Variants in EFHC2 observed in about 807,000 individuals in gnomAD.
The protein encoded by EFHC2 is EF-hand domain-containing family member C2.
EFHC2 carries 18 observed loss-of-function variants against 52.7 expected under a neutral mutation model. That is an observed-to-expected ratio of 0.34 (90% confidence interval 0.24 to 0.51). The LOEUF (loss-of-function observed/expected upper bound fraction) is 0.51, where lower values mean the gene tolerates loss of function less well. EFHC2 is among the 20% of genes least tolerant of loss of function. The probability of loss-of-function intolerance (pLI) is 0.97; values close to 1 mark genes in which losing one functional copy is unlikely to be tolerated. For missense variants in EFHC2, 513 were observed against 562.5 expected, an observed-to-expected ratio of 0.91 and a Z score of 0.89; for synonymous variants, 203 against 204.1, an observed-to-expected ratio of 0.99 and a Z score of 0.04.
chrX:44,340,422 C>T (rs1460108283), intron 1 of EFHC2, among the ~76,000 whole-genome samples: 6 of 110,674 alleles, frequency 5.4e-5, no homozygotes, highest in Non-Finnish European at 9.5e-5. Flanking sequence ...GAGGCTGAGG[C>T]GGGCGGATCG....
chrX:44,211,445 T>G (rs922292878), intron 11 of EFHC2, among the ~76,000 whole-genome samples: 2 of 111,386 alleles, frequency 1.8e-5, no homozygotes, highest in Non-Finnish European at 3.8e-5. Context: ...GGAGAATCAC[T>G]TGAACCCAGG....
intron 1 of EFHC2, among the ~76,000 whole-genome samples, chrX:44,342,068 G>A (rs934301360): frequency 3.6e-5 from 4 of 111,985 alleles, no homozygotes; most frequent in Non-Finnish European, 5.6e-5. Flanking sequence ...CTGTTTTCAT[G>A]TCCCGTCTCT....
intron 1 of EFHC2, among the ~76,000 whole-genome samples, chrX:44,340,196 C>T (rs952220710): frequency 4.5e-5 from 5 of 111,226 alleles, no homozygotes; most frequent in African/African-American, 9.8e-5. Context: ...AATTATTCAT[C>T]AAAAACATCA....
chrX:44,174,138 C>T (rs1043261810), intron 13 of EFHC2, among the ~76,000 whole-genome samples: 2 of 112,134 alleles, frequency 1.8e-5, no homozygotes, highest in Non-Finnish European at 3.8e-5. Flanking sequence ...CAATTCTTTG[C>T]ACCAGGTACT....
chrX:44,200,103 C>T (rs972684097), intron 11 of EFHC2, among the ~76,000 whole-genome samples: 5 of 111,725 alleles, frequency 4.5e-5, no homozygotes, highest in African/African-American at 1.6e-4. Context: ...TTAATAATTA[C>T]ACTGTGGTAA....
chrX:44,178,600 A>AT, intron 11 of EFHC2, 36 bp from the exon 12 acceptor site: 1 of 1,039,481 alleles, frequency 9.6e-7, no homozygotes, highest in Non-Finnish European at 1.3e-6. Flanking sequence ...ATAAACTGAT[A>AT]TCTAAGAATA....
intron 8 of EFHC2, among the ~76,000 whole-genome samples, chrX:44,240,371 C>A (rs1438409288): frequency 2.7e-5 from 3 of 111,865 alleles, no homozygotes; most frequent in Non-Finnish European, 5.6e-5. Flanking sequence ...ACATGGAATA[C>A]CATCTACAGT....
At chrX:44,165,546 A>T (rs1182615025) in intron 13 of EFHC2, among the ~76,000 whole-genome samples, 1 of 112,042 alleles carries the variant, frequency 8.9e-6, no homozygotes, top group Non-Finnish European at 1.9e-5. Flanking sequence ...GAAGAATGAA[A>T]ACTCAATTAA....
intron 1 of EFHC2, among the ~76,000 whole-genome samples, chrX:44,315,817 G>A (rs1472422576): frequency 9.0e-6 from 1 of 110,850 alleles, no homozygotes; most frequent in Non-Finnish European, 1.9e-5. Flanking sequence ...CTAGGAGAGG[G>A]GCGAATCTGG....
At chrX:44,257,422 T>C (rs1226143012) in intron 4 of EFHC2, among the ~76,000 whole-genome samples, 1 of 112,104 alleles carries the variant, frequency 8.9e-6, no homozygotes, top group Non-Finnish European at 1.9e-5. Context: ...CTCCTTAAGC[T>C]GATAAGCAAC....
intron 11 of EFHC2, among the ~76,000 whole-genome samples, chrX:44,226,680 T>A (rs1390631928): frequency 1.8e-5 from 2 of 109,206 alleles, no homozygotes; most frequent in Middle Eastern, 4.3e-3. Context: ...GAGGGCTAGA[T>A]AAAATGTACA....
At chrX:44,309,380 C>A in intron 2 of EFHC2, 1 of 876,427 alleles carries the variant, frequency 1.1e-6, no homozygotes. Context: ...TCCTCTGATA[C>A]TCGCCTACTC....
chrX:44,281,020 A>G (rs952238371), intron 2 of EFHC2, among the ~76,000 whole-genome samples: 2 of 111,003 alleles, frequency 1.8e-5, no homozygotes, highest in African/African-American at 6.6e-5. Flanking sequence ...CCCGGGTTCA[A>G]GTGATTCTCC....
chrX:44,293,179 T>C (rs931521819), intron 2 of EFHC2, among the ~76,000 whole-genome samples: 1 of 109,843 alleles, frequency 9.1e-6, no homozygotes, highest in Non-Finnish European at 1.9e-5. Flanking sequence ...AGAAGAAACA[T>C]CAGAAGAAGT....
chrX:44,178,675 G>A (rs1602137080), intron 11 of EFHC2, 111 bp from the exon 12 acceptor site: 1 of 583,769 alleles, frequency 1.7e-6, no homozygotes, highest in African/African-American at 2.4e-5. Flanking sequence ...TTTACCAACT[G>A]TACAGAGGTC....
chrX:44,325,847 C>T (rs1479453212), intron 1 of EFHC2, among the ~76,000 whole-genome samples: 1 of 104,166 alleles, frequency 9.6e-6, no homozygotes, highest in Non-Finnish European at 1.9e-5. Flanking sequence ...TCTATTGCCA[C>T]AATAGCTAAC....
intron 2 of EFHC2, 65 bp from the exon 3 acceptor site, chrX:44,272,901 A>C (rs1212074529): frequency 1.0e-6 from 1 of 955,639 alleles, no homozygotes; most frequent in East Asian, 3.4e-5. Flanking sequence ...AAATTAACAA[A>C]GCAGCTGCCT....
At chrX:44,177,378 T>C (rs2036795390) in intron 12 of EFHC2, among the ~76,000 whole-genome samples, 1 of 112,454 alleles carries the variant, frequency 8.9e-6, no homozygotes, top group South Asian at 3.7e-4. Flanking sequence ...AGTTGGCCAC[T>C]TGGGTTCAGA....
At position 44,181,664 on chromosome X, in the gene EFHC2, G is replaced by A. The variant is rs187830446; in HGVS notation, c.1752-3100C>T. On this transcript the variant is annotated intron_variant, in intron 11 of 14. Transcript: ENST00000420999. The stretch of plus-strand genomic sequence containing the variant: ...TTTACATGAAAGTTTCAAAGAAGCT[G>A]TGCTATATTTGAAACTGCCAACAGC... Among the ~76,000 whole-genome samples the A allele has an allele frequency of 8.0e-5, 9 of 112,780 alleles. No individual in the cohort carries two copies. The East Asian group carries it at 2.5e-3, about 31-fold the overall frequency.
Sources: gnomAD v4.1 joint callset for allele counts (sites outside exome capture counted in the v4.1 genomes callset) on GRCh38, gnomAD v4.1.1 for gene constraint, MANE v1.5 for transcripts, NCBI Gene and HGNC (gene_info 2026-07-23, HGNC 2026-07-21) for gene names.